EIF3M: variants seen among roughly 807,000 people sequenced by gnomAD.
EIF3M encodes B5 receptor.
EIF3M carries 25 observed loss-of-function variants against 49.7 expected under a neutral mutation model. That is an observed-to-expected ratio of 0.50 (90% CI 0.37 to 0.70). The LOEUF (loss-of-function observed/expected upper bound fraction) is 0.70, where lower values mean the gene tolerates loss of function less well. Among genes scored for constraint, EIF3M ranks in the 30% least tolerant of loss-of-function variants. EIF3M has a pLI of 0.00. For synonymous variants in EIF3M, 156 were observed against 149.8 expected, an observed-to-expected ratio of 1.04 and a Z score of -0.30; for missense variants, 350 against 440.0, an observed-to-expected ratio of 0.80 and a Z score of 1.83.
chr11:32,596,071 G>C (rs1855173111), intron 8 of EIF3M, 24 bp downstream of exon 8: 1 of 1,506,938 alleles, frequency 6.6e-7, no homozygotes, highest in African/African-American at 1.4e-5. Context: ...TTTATTCTTT[G>C]AGGCACAGAG....
In EIF3M at chr11:32,602,781, T is replaced by C; in HGVS notation, c.*382T>C. On this transcript the variant is annotated 3_prime_UTR_variant, in exon 11 of 11. Coordinates refer to ENST00000531120, the MANE Select transcript of EIF3M (RefSeq NM_006360.6). Reference sequence around the variant, plus strand: ...AAACTATACCAGAATTTCAGTTACATAATTTCACTACTGAAAGCACTTATC... The same window carrying C: ...AAACTATACCAGAATTTCAGTTACACAATTTCACTACTGAAAGCACTTATC... 1.4e-6 allele frequency: 2 copies of C among 1,405,682 alleles called. No individual in the cohort carries two copies. Among genetic ancestry groups the C allele is most frequent in the Non-Finnish European group, 1.9e-6 (2 of 1,032,206 alleles). 87.1% of individuals were successfully genotyped at this position (1,405,682 alleles called of 1,614,324 possible).
At chr11:32,597,869 A>G (rs975908010) in intron 8 of EIF3M, among the ~76,000 whole-genome samples, 17 of 152,152 alleles carry the variant, frequency 1.1e-4, no homozygotes, top group Non-Finnish European at 2.9e-5. Flanking sequence ...GACGATACAG[A>G]TGAATGTATG....
At chr11:32,595,729 C>T (rs1417833429) in intron 7 of EIF3M, among the ~76,000 whole-genome samples, 4 of 152,146 alleles carry the variant, frequency 2.6e-5, no homozygotes, top group Non-Finnish European at 4.4e-5. Flanking sequence ...TGCCATTAGC[C>T]ATCATCTTTC....
Position 32,586,851 on chromosome 11 carries a change from T to C in EIF3M, c.43-161T>C, listed in dbSNP as rs1320488470. ...CATGGAGGAAAACCTGTGGCTCTTG[T>C]GGGATTGCCAAGATGGATGAGGTGA... On this transcript the variant is annotated intron_variant, in intron 1 of 10. Coordinates refer to ENST00000531120, the MANE Select transcript of EIF3M (RefSeq NM_006360.6). 1.9e-5 allele frequency: 17 copies of C among 913,216 alleles called. No homozygotes were observed. In the East Asian group the frequency reaches 4.6e-4, roughly 25 times the overall value. The allele number at this position is 913,216 out of a possible 1,614,324, so 56.6% of individuals were successfully genotyped here.
intron 8 of EIF3M, among the ~76,000 whole-genome samples, chr11:32,599,223 G>T (rs969442278): frequency 1.3e-5 from 2 of 152,000 alleles, no homozygotes; most frequent in African/African-American, 4.8e-5. Flanking sequence ...GTGTTATCCA[G>T]TTGCTACCTT....
chr11:32,585,858 T>A (rs572855947), intron 1 of EIF3M, among the ~76,000 whole-genome samples: 1 of 151,850 alleles, frequency 6.6e-6, no homozygotes, highest in Non-Finnish European at 1.5e-5. Flanking sequence ...TTTTTTTGGC[T>A]TGGTCTAGAA....
intron 5 of EIF3M, among the ~76,000 whole-genome samples, chr11:32,591,220 G>A (rs774641862): frequency 1.3e-4 from 20 of 152,192 alleles, no homozygotes; most frequent in Non-Finnish European, 2.5e-4. Flanking sequence ...TGTGCTTCAA[G>A]TGGATTAAAA....
intron 8 of EIF3M, among the ~76,000 whole-genome samples, chr11:32,597,131 C>G (rs1346976865): frequency 6.6e-6 from 1 of 152,130 alleles, no homozygotes; most frequent in Non-Finnish European, 1.5e-5. Flanking sequence ...GAAAGAATTA[C>G]CATTACTTTG....
rs1227805621 is a variant in EIF3M, at chr11:32,601,816, T to A, written c.998T>A (p.Val333Asp). ...CKIDQTQRKVVVSHSTHRTFG... is the reference protein window; with the variant it reads ...CKIDQTQRKVDVSHSTHRTFG... Reference sequence around the variant, plus strand: ...ATTGATCAGACCCAGAGAAAAGTAGTTGTCAGGTAAGATATTTAATGCTTT... The same window carrying A: ...ATTGATCAGACCCAGAGAAAAGTAGATGTCAGGTAAGATATTTAATGCTTT... Residue 333 changes from valine to aspartate, a missense_variant, in exon 10 of 11, where the codon GTT (valine) becomes GAT (aspartate). Transcript: ENST00000531120. The A allele has an allele frequency of 3.1e-6, 5 of 1,612,476 alleles. No homozygotes were observed. The highest frequency in any genetic ancestry group is 4.2e-6 in the Non-Finnish European group (5 of 1,178,996).
At chr11:32,600,119 C>T (rs539569931) in intron 8 of EIF3M, among the ~76,000 whole-genome samples, 280 of 151,912 alleles carry the variant, frequency 1.8e-3, no homozygotes, top group African/African-American at 6.0e-3. Flanking sequence ...CACACTTTGA[C>T]AGTTTTGGTT....
intron 6 of EIF3M, chr11:32,594,192 G>A: frequency 3.1e-6 from 1 of 318,308 alleles, no homozygotes; most frequent in South Asian, 1.4e-4. Context: ...GCTGGTATGG[G>A]GATGATGATC....
chr11:32,584,041 C>G, intron 1 of EIF3M, 112 bp downstream of exon 1: 1 of 1,408,196 alleles, frequency 7.1e-7, no homozygotes, highest in Non-Finnish European at 9.7e-7. Flanking sequence ...CGCAGCTGTT[C>G]TACACGCGAG....
chr11:32,594,415 G>A (rs539153436), intron 6 of EIF3M: 1 of 155,234 alleles, frequency 6.4e-6, no homozygotes, highest in African/African-American at 2.4e-5. Context: ...ATTGCTTTGT[G>A]TGGACCTCTA....
chr11:32,606,213 G>A lies in EIF3M; in HGVS notation c.*3814G>A, dbSNP rs1200311025. ...CTTCCCTGAATTTAACAGAATTGAT[G>A]TGGACTGTACATAAAATATGTTGAA... On this transcript the variant is annotated 3_prime_UTR_variant, in exon 11 of 11. Coordinates refer to ENST00000531120, the MANE Select transcript of EIF3M (RefSeq NM_006360.6). 2.0e-5 allele frequency: 3 copies of A among 152,204 alleles called. No homozygotes were observed. Among genetic ancestry groups the A allele is most frequent in the South Asian group, 4.1e-4 (2 of 4,830 alleles). 9.4% of individuals were successfully genotyped at this position (152,204 alleles called of 1,614,324 possible). A position where few individuals can be genotyped will look rare whatever the true frequency, so the allele number is the denominator to read the frequency against.
At chr11:32,600,038 A>G (rs992927560) in intron 8 of EIF3M, among the ~76,000 whole-genome samples, 1 of 151,958 alleles carries the variant, frequency 6.6e-6, no homozygotes, top group African/African-American at 2.4e-5. Context: ...AAGAACAAGT[A>G]TCACTTTTAA....
At position 32,602,502 on chromosome 11, in the gene EIF3M, A is replaced by C; in HGVS notation, c.*103A>C. 1.5e-6 allele frequency: 2 copies of C among 1,339,998 alleles called. No individual in the cohort carries two copies. Among genetic ancestry groups the C allele is most frequent in the Non-Finnish European group, 2.0e-6 (2 of 1,000,372 alleles). The allele number at this position is 1,339,998 out of a possible 1,614,324, so 83.0% of individuals were successfully genotyped here. ...GCCTAGTCTGGACAGTTATTGTCTC[A>C]AATTTATACTAAAATCACAAACTCC... On this transcript the variant is annotated 3_prime_UTR_variant, in exon 11 of 11. Transcript: ENST00000531120.
chr11:32,602,107 T>G (rs1590532508), intron 10 of EIF3M, 172 bp from the exon 11 acceptor site: 1 of 1,090,966 alleles, frequency 9.2e-7, no homozygotes, highest in Admixed American at 2.2e-5. Context: ...AGGCTTAGGA[T>G]CAATATGGTA....
intron 1 of EIF3M, among the ~76,000 whole-genome samples, chr11:32,586,221 C>T (rs1854995361): frequency 6.6e-6 from 1 of 151,572 alleles, no homozygotes; most frequent in South Asian, 2.1e-4. Flanking sequence ...CCAGCCTGGG[C>T]AATAAGAGTG....
chr11:32,588,699 G>A lies in EIF3M; in HGVS notation c.281G>A (p.Arg94His), dbSNP rs748762443. ...ESLCEKLVKF[R>H]EGERPSLRLQ... ...CTATGTGAAAAGCTGGTCAAATTTC[G>A]CGAAGGTGAACGCCCGTCTCTGAGA... Residue 94 changes from arginine (R) to histidine (H), a missense_variant, in exon 3 of 11, where the codon CGC becomes CAC. Coordinates refer to ENST00000531120, the MANE Select transcript of EIF3M (RefSeq NM_006360.6). 29 of 1,614,058 alleles carry A rather than the reference G, an allele frequency of 1.8e-5. 1 individual carries two copies. Among genetic ancestry groups the A allele is most frequent in the South Asian group, 1.8e-4 (16 of 91,090 alleles).
Sources: allele counts gnomAD v4.1 joint callset (sites outside exome capture counted in the v4.1 genomes callset), GRCh38; gene constraint gnomAD v4.1.1; transcripts MANE v1.5; gene names NCBI Gene and HGNC (gene_info 2026-07-23, HGNC 2026-07-21).